Variants in FANCD2 observed in about 807,000 individuals in gnomAD.
FANCD2 encodes Fanconi anemia group D2 protein.
A neutral mutation model predicts 192.3 loss-of-function variants in FANCD2; 131 were observed. That is an observed-to-expected ratio of 0.68 (90% CI 0.59 to 0.79). The LOEUF (loss-of-function observed/expected upper bound fraction) is 0.79. FANCD2 is among the 30% of genes least tolerant of loss of function. FANCD2 has a pLI of 0.00. For missense variants in FANCD2, 1,508 were observed against 1,701.6 expected, an observed-to-expected ratio of 0.89 and a Z score of 2.00; for synonymous variants, 524 against 612.5, an observed-to-expected ratio of 0.86 and a Z score of 2.13.
chr3:10,044,329 T>C (rs138377091), intron 14 of FANCD2, among the ~76,000 whole-genome samples: 3 of 151,952 alleles, frequency 2.0e-5, no homozygotes, highest in Non-Finnish European at 2.9e-5. Flanking sequence ...GCAGTGGTAC[T>C]GGATCTTATG....
At chr3:10,055,777 A>C (rs1479177465) in intron 18 of FANCD2, among the ~76,000 whole-genome samples, 1 of 151,832 alleles carries the variant, frequency 6.6e-6, no homozygotes, top group Non-Finnish European at 1.5e-5. Context: ...GCATCACTGC[A>C]CTCCAGCCTG....
chr3:10,067,959 T>C (rs563540093), intron 26 of FANCD2, among the ~76,000 whole-genome samples: 1 of 152,280 alleles, frequency 6.6e-6, no homozygotes, highest in East Asian at 1.9e-4. Context: ...AAAAAAATTT[T>C]ATAAAATTCA....
At chr3:10,027,003 C>T (rs191753401) in intron 1 of FANCD2, among the ~76,000 whole-genome samples, 1 of 152,146 alleles carries the variant, frequency 6.6e-6, no homozygotes, top group Non-Finnish European at 1.5e-5. Flanking sequence ...CCAGTTCTGC[C>T]CGTGATGATG....
chr3:10,039,934 T>C, intron 9 of FANCD2, 89 bp downstream of exon 9: 1 of 1,499,896 alleles, frequency 6.7e-7, no homozygotes, highest in Non-Finnish European at 9.2e-7. Flanking sequence ...TAATATGGTC[T>C]CTTCTATCTA....
intron 3 of FANCD2, 80 bp downstream of exon 3, chr3:10,033,052 G>T (rs2086641926): frequency 2.6e-6 from 3 of 1,166,962 alleles, no homozygotes; most frequent in Non-Finnish European, 3.8e-6. Flanking sequence ...AAATAGAGAG[G>T]CAATGAAGAT....
intron 32 of FANCD2, among the ~76,000 whole-genome samples, chr3:10,084,343 G>A (rs1464180580): frequency 2.7e-5 from 4 of 150,320 alleles, no homozygotes; most frequent in Admixed American, 6.6e-5. Flanking sequence ...CCAGGCTGGA[G>A]TGTAGTAACA....
chr3:10,034,257 G>A (rs1207357132), intron 3 of FANCD2, among the ~76,000 whole-genome samples: 3 of 148,478 alleles, frequency 2.0e-5, no homozygotes, highest in South Asian at 2.1e-4. Flanking sequence ...CCCAGGAGGC[G>A]GAAGTTCCTG....
At chr3:10,036,443 T>C in intron 7 of FANCD2, 104 bp downstream of exon 7, 2 of 857,792 alleles carry the variant, frequency 2.3e-6, no homozygotes, top group South Asian at 1.4e-5. Flanking sequence ...GTCATATTTA[T>C]CATTATATTT....
Position 10,032,145 on chromosome 3 carries a change from G to A in FANCD2, c.65-687G>A, listed in dbSNP as rs1431174545. 2.6e-5 allele frequency among the ~76,000 whole-genome samples: 4 copies of A among 151,872 alleles called. 1 individual carries two copies. Among genetic ancestry groups the A allele is most frequent in the East Asian group, 3.9e-4 (2 of 5,182 alleles). ...CAGGCGTGAGCCACTGTGCTGGGTC[G>A]GAAATATGCATTTTAATAAGCTTCC... On this transcript the variant is annotated intron_variant, in intron 2 of 43. Transcript: ENST00000675286.
chr3:10,048,074 G>A (rs1461086966), intron 16 of FANCD2, 23 bp downstream of exon 16: 1 of 1,614,122 alleles, frequency 6.2e-7, no homozygotes, highest in South Asian at 1.1e-5. Context: ...ATTTATTTTG[G>A]CAAGGAGGGA....
chr3:10,079,187 T>C (rs1342882086), intron 30 of FANCD2, among the ~76,000 whole-genome samples: 1 of 151,156 alleles, frequency 6.6e-6, no homozygotes, highest in Non-Finnish European at 1.5e-5. Context: ...GACGCTGCAG[T>C]GAACCAAGAT....
intron 19 of FANCD2, among the ~76,000 whole-genome samples, chr3:10,060,940 A>G (rs1018174095): frequency 1.3e-5 from 2 of 152,220 alleles, no homozygotes; most frequent in Admixed American, 1.3e-4. Flanking sequence ...ATTTTCTGAG[A>G]CATCAGGAGA....
At chr3:10,063,765 T>C in intron 20 of FANCD2, 27 bp from the exon 21 acceptor site, 1 of 1,613,990 alleles carries the variant, frequency 6.2e-7, no homozygotes, top group Non-Finnish European at 8.5e-7. Context: ...AGCCCAAGGT[T>C]TAAACCATTC....
chr3:10,069,473 C>CTTT, intron 26 of FANCD2, among the ~76,000 whole-genome samples: 2 of 138,042 alleles, frequency 1.4e-5, no homozygotes, highest in Non-Finnish European at 3.0e-5. Flanking sequence ...CTCCCCCTCC[C>CTTT]CCTCCCCCTC....
At chr3:10,101,117 A>T in intron 43 of FANCD2, 71 bp from the exon 44 acceptor site, 1 of 1,131,672 alleles carries the variant, frequency 8.8e-7, no homozygotes, top group Non-Finnish European at 1.3e-6. Flanking sequence ...TGTATCCTCT[A>T]GGAGCTGTAT....
intron 18 of FANCD2, among the ~76,000 whole-genome samples, chr3:10,054,288 C>T (rs1198276398): frequency 6.8e-6 from 1 of 147,366 alleles, no homozygotes; most frequent in African/African-American, 2.5e-5. Flanking sequence ...AGCTTTAGTG[C>T]TACCTTATGG....
At chr3:10,028,861 A>G in intron 2 of FANCD2, 140 bp downstream of exon 2, 1 of 827,592 alleles carries the variant, frequency 1.2e-6, no homozygotes, top group Non-Finnish European at 2.0e-6. Context: ...GAGAAATATC[A>G]GATTTGGGAC....
intron 36 of FANCD2, 152 bp downstream of exon 36, chr3:10,089,102 T>C (rs1368025977): frequency 2.4e-6 from 2 of 826,626 alleles, no homozygotes; most frequent in East Asian, 5.4e-5. Context: ...TTGGCCAACA[T>C]AGTGAAACCC....
At chr3:10,096,597 T>G in intron 42 of FANCD2, 125 bp downstream of exon 42, 1 of 885,832 alleles carries the variant, frequency 1.1e-6, no homozygotes, top group Non-Finnish European at 1.9e-6. Context: ...CTTAAGTCTG[T>G]GACTGTTTAA....
Sources: allele counts gnomAD v4.1 joint callset (sites outside exome capture counted in the v4.1 genomes callset), GRCh38; gene constraint gnomAD v4.1.1; transcripts MANE v1.5; gene names NCBI Gene and HGNC (gene_info 2026-07-23, HGNC 2026-07-21).